RIMS1: variants seen among roughly 807,000 people sequenced by gnomAD.
RIMS1 encodes regulating synaptic membrane exocytosis protein 1.
A neutral mutation model predicts 214.1 loss-of-function variants in RIMS1; 83 were observed. The observed-to-expected ratio is 0.39, with a 90% CI of 0.32 to 0.47. The LOEUF (loss-of-function observed/expected upper bound fraction) is 0.47. Among genes scored for constraint, RIMS1 ranks in the 20% least tolerant of loss-of-function variants. The pLI, the probability that RIMS1 is intolerant of heterozygous loss-of-function variation, is 0.99. For missense variants in RIMS1, 2,050 were observed against 2,161.8 expected (o/e 0.95, Z 1.03); for synonymous variants, 793 against 786.8 (o/e 1.01, Z -0.13).
intron 6 of RIMS1, among the ~76,000 whole-genome samples, chr6:72,194,199 A>T (rs1409823313): frequency 6.6e-6 from 1 of 152,168 alleles, no homozygotes; most frequent in African/African-American, 2.4e-5. Flanking sequence ...TGCAATTCCT[A>T]TGAAATTACC....
intron 29 of RIMS1, among the ~76,000 whole-genome samples, chr6:72,376,301 T>A (rs2098376774): frequency 6.6e-6 from 1 of 152,158 alleles, no homozygotes; most frequent in Non-Finnish European, 1.5e-5. Context: ...CTGCCTCACT[T>A]CCATGAGGAA....
intron 1 of RIMS1, 112 bp downstream of exon 1, chr6:71,887,299 G>A (rs1020093967): frequency 1.1e-5 from 15 of 1,410,126 alleles, no homozygotes; most frequent in Non-Finnish European, 1.5e-5. Flanking sequence ...CCAGGGTGCT[G>A]GGTGCGGACG....
chr6:72,360,974 T>G (rs1371309561), intron 29 of RIMS1, among the ~76,000 whole-genome samples: 1 of 150,128 alleles, frequency 6.7e-6, no homozygotes, highest in Non-Finnish European at 1.5e-5. Flanking sequence ...CTTCATATTA[T>G]TCTCAGGATT....
At chr6:72,371,031 A>G (rs1355407540) in intron 29 of RIMS1, among the ~76,000 whole-genome samples, 2 of 152,174 alleles carry the variant, frequency 1.3e-5, no homozygotes, top group Non-Finnish European at 1.5e-5. Flanking sequence ...TTTATATGAA[A>G]AACTTGAAAT....
At chr6:72,051,283 A>G (rs1824586774) in intron 2 of RIMS1, among the ~76,000 whole-genome samples, 2 of 152,146 alleles carry the variant, frequency 1.3e-5, no homozygotes, top group African/African-American at 2.4e-5. Context: ...TCAAGGCACC[A>G]TCTTTGCAAT....
At chr6:72,196,861 G>A (rs937087399) in intron 6 of RIMS1, among the ~76,000 whole-genome samples, 2 of 151,586 alleles carry the variant, frequency 1.3e-5, no homozygotes, top group Non-Finnish European at 2.9e-5. Context: ...TCTTTGTGAA[G>A]ACTTCAGGCT....
In RIMS1 at chr6:72,313,134, T is replaced by A. The variant is rs114430102; in HGVS notation, c.3964-372T>A. Among the ~76,000 whole-genome samples the A allele has an allele frequency of 2.1e-3, 323 of 151,952 alleles. 2 individuals carry two copies. The highest frequency in any genetic ancestry group is 7.5e-3 in the African/African-American group (309 of 41,446). ...TGCTCAGCCTATACTTTGACTAGAG[T>A]AGAAGGTGAATAAAATGGACAAGAA... On this transcript the variant is annotated intron_variant, in intron 27 of 33. Transcript: ENST00000521978.
chr6:71,911,647 T>C (rs1314025754), intron 1 of RIMS1, among the ~76,000 whole-genome samples: 1 of 152,150 alleles, frequency 6.6e-6, no homozygotes, highest in Admixed American at 6.6e-5. Context: ...CTACTGTTGT[T>C]CTCACAAAAT....
chr6:72,262,556 G>C (rs1040556086), intron 19 of RIMS1: 17 of 983,664 alleles, frequency 1.7e-5, no homozygotes, highest in Non-Finnish European at 2.1e-5. Context: ...AATGCTAAAA[G>C]TATGGAGATA....
intron 1 of RIMS1, among the ~76,000 whole-genome samples, chr6:71,945,034 T>G (rs755364801): frequency 1.3e-5 from 2 of 152,206 alleles, no homozygotes; most frequent in Non-Finnish European, 2.9e-5. Context: ...TTTCAAGACC[T>G]CTATCTAAAT....
intron 1 of RIMS1, among the ~76,000 whole-genome samples, chr6:71,890,744 C>G (rs1472125036): frequency 2.6e-5 from 4 of 152,014 alleles, no homozygotes; most frequent in Non-Finnish European, 5.9e-5. Context: ...CACACTAGCT[C>G]TTATTTTAAG....
intron 1 of RIMS1, among the ~76,000 whole-genome samples, chr6:71,960,856 C>T (rs1028648568): frequency 6.6e-6 from 1 of 151,894 alleles, no homozygotes; most frequent in Admixed American, 6.6e-5. Flanking sequence ...TACCCAAGAG[C>T]GCTTCCTGTA....
rs1485681034 is a variant in RIMS1, at chr6:72,313,565, T to C, written c.4023T>C (p.Asp1341=). 6.2e-7 allele frequency: 1 copy of C among 1,613,782 alleles called. No homozygotes were observed. Among genetic ancestry groups the C allele is most frequent in the South Asian group, 1.1e-5 (1 of 91,042 alleles). The change falls in exon 28 of 34, where the codon GAT becomes GAC. Residue 1341 remains aspartate, a synonymous_variant. Transcript: ENST00000521978. The part of the protein sequence containing the change: ...SCDNVSAKSS[D]SDVSDVSAIS... ...ATAACGTCTCTGCCAAATCATCAGA[T>C]AGTGATGTCAGTGATGTTTCCGCCA...
At chr6:72,324,142 T>G (rs1469700267) in intron 28 of RIMS1, among the ~76,000 whole-genome samples, 1 of 151,842 alleles carries the variant, frequency 6.6e-6, no homozygotes, top group African/African-American at 2.4e-5. Flanking sequence ...GGAGTTCATG[T>G]TGAAGAAAAG....
At chr6:72,121,865 G>A (rs1307706418) in intron 4 of RIMS1, among the ~76,000 whole-genome samples, 2 of 151,830 alleles carry the variant, frequency 1.3e-5, no homozygotes, top group African/African-American at 2.4e-5. Context: ...AGGATAAAGG[G>A]CTGTTGAATT....
intron 4 of RIMS1, among the ~76,000 whole-genome samples, chr6:72,177,589 T>C (rs2047887671): frequency 6.6e-6 from 1 of 152,196 alleles, no homozygotes. Flanking sequence ...ATAAGTTGCT[T>C]ACTATTAGTC....
At chr6:71,910,424 G>C (rs1776535572) in intron 1 of RIMS1, among the ~76,000 whole-genome samples, 1 of 152,084 alleles carries the variant, frequency 6.6e-6, no homozygotes, top group South Asian at 2.1e-4. Context: ...GCTGAAAAGA[G>C]GATCTGGCCC....
intron 1 of RIMS1, among the ~76,000 whole-genome samples, chr6:71,961,493 T>C (rs1385152213): frequency 6.6e-6 from 1 of 152,086 alleles, no homozygotes; most frequent in Non-Finnish European, 1.5e-5. Context: ...CCCTTCATTA[T>C]ACCCTCTTTT....
intron 2 of RIMS1, among the ~76,000 whole-genome samples, chr6:71,982,440 T>G (rs938730323): frequency 2.2e-4 from 33 of 152,186 alleles, no homozygotes; most frequent in African/African-American, 8.0e-4. Flanking sequence ...AATATTATGT[T>G]GTTTGTTCCA....
Sources: gnomAD v4.1 joint callset for allele counts (sites outside exome capture counted in the v4.1 genomes callset) on GRCh38, gnomAD v4.1.1 for gene constraint, MANE v1.5 for transcripts, NCBI Gene and HGNC (gene_info 2026-07-23, HGNC 2026-07-21) for gene names.